GPHN: variants seen among roughly 807,000 people sequenced by gnomAD.
GPHN encodes the protein gephyrin.
A neutral mutation model predicts 95.5 loss-of-function variants in GPHN; 17 were observed. The ratio of observed to expected loss-of-function variants is 0.18; its 90% confidence interval spans 0.12 to 0.27. GPHN has a LOEUF of 0.27. GPHN is among the 10% of genes least tolerant of loss of function. GPHN has a pLI of 1.00. For missense variants in GPHN, 660 were observed against 978.1 expected (o/e 0.67, Z 4.34); for synonymous variants, 320 against 322.5 (o/e 0.99, Z 0.08).
At chr14:67,198,594 C>T in the GPHN span, among the ~76,000 whole-genome samples, 8 of 152,266 alleles carry the variant, frequency 5.3e-5, no homozygotes, top group African/African-American at 1.4e-4. Flanking sequence ...TACATGAAGC[C>T]GTTTTTGGCA....
At chr14:67,315,919 C>T in the GPHN span, among the ~76,000 whole-genome samples, 2 of 152,336 alleles carry the variant, frequency 1.3e-5, no homozygotes, top group South Asian at 2.1e-4. Flanking sequence ...AGCGAGACTT[C>T]GTCTCAAAAG....
intron 1 of GPHN, among the ~76,000 whole-genome samples, chr14:66,575,051 C>A (rs956202854): frequency 2.6e-5 from 4 of 152,138 alleles, no homozygotes; most frequent in African/African-American, 7.2e-5. Flanking sequence ...ATATTTATAT[C>A]TATCTATATA....
At chr14:66,747,285 T>C (rs2058189215) in intron 2 of GPHN, among the ~76,000 whole-genome samples, 1 of 152,158 alleles carries the variant, frequency 6.6e-6, no homozygotes, top group South Asian at 2.1e-4. Context: ...TTAAATGGTA[T>C]TGTTGATACA....
the GPHN span, chr14:67,198,881 A>AG: frequency 1.5e-6 from 1 of 673,308 alleles, no homozygotes; most frequent in Non-Finnish European, 2.7e-6. Context: ...GTTCAATGAT[A>AG]GGGGTCATAC....
chr14:67,656,690 G>C, the GPHN span: 2 of 1,285,882 alleles, frequency 1.6e-6, no homozygotes, highest in Non-Finnish European at 2.1e-6. Flanking sequence ...GATATAGTGA[G>C]CAATAATTTT....
intron 17 of GPHN, among the ~76,000 whole-genome samples, chr14:67,125,631 G>A (rs1431445353): frequency 6.6e-6 from 1 of 152,168 alleles, no homozygotes; most frequent in Non-Finnish European, 1.5e-5. Context: ...ACAAAAATTA[G>A]CTAGGCATGG....
chr14:67,038,792 G>A (rs1342169374), intron 10 of GPHN, among the ~76,000 whole-genome samples: 2 of 151,982 alleles, frequency 1.3e-5, no homozygotes, highest in Non-Finnish European at 2.9e-5. Context: ...TTCCTGTATT[G>A]TTCTTTTATA....
intron 1 of GPHN, among the ~76,000 whole-genome samples, chr14:66,661,603 TC>T (rs779833230): frequency 4.3e-4 from 66 of 152,206 alleles, no homozygotes; most frequent in African/African-American, 7.0e-4. Flanking sequence ...GCAGAAGGGA[TC>T]CCCCAACACA....
At chr14:67,177,718 T>A (rs999301828) in intron 21 of GPHN, among the ~76,000 whole-genome samples, 3 of 152,180 alleles carry the variant, frequency 2.0e-5, no homozygotes, top group East Asian at 3.9e-4. Flanking sequence ...AGTCTAAGTC[T>A]CTTTGTAGGT....
chr14:67,034,922 T>C (rs1413780987), intron 10 of GPHN, among the ~76,000 whole-genome samples: 1 of 152,036 alleles, frequency 6.6e-6, no homozygotes, highest in Non-Finnish European at 1.5e-5. Context: ...TGTTGACCAA[T>C]TAGATCTAAC....
the GPHN span, among the ~76,000 whole-genome samples, chr14:67,432,513 G>A: frequency 2.0e-5 from 3 of 152,160 alleles, no homozygotes; most frequent in Non-Finnish European, 2.9e-5. Context: ...TCTGAGACAC[G>A]TTTACAAGGA....
the GPHN span, among the ~76,000 whole-genome samples, chr14:67,430,210 A>G: frequency 6.6e-6 from 1 of 152,198 alleles, no homozygotes. Context: ...AGCTTGGATG[A>G]CATGGACCCA....
intron 3 of GPHN, among the ~76,000 whole-genome samples, chr14:66,813,240 C>T (rs1254499009): frequency 6.6e-6 from 1 of 152,034 alleles, no homozygotes; most frequent in Non-Finnish European, 1.5e-5. Flanking sequence ...CAAATGACAA[C>T]AAAAACACTA....
At chr14:67,695,704 C>T in the GPHN span, 5 of 1,614,128 alleles carry the variant, frequency 3.1e-6, no homozygotes, top group East Asian at 1.1e-4. Context: ...GCTCAACCAT[C>T]TCTGCCGGCT....
intron 9 of GPHN, among the ~76,000 whole-genome samples, chr14:67,022,510 A>C (rs2073681539): frequency 6.7e-6 from 1 of 150,344 alleles, no homozygotes; most frequent in African/African-American, 2.4e-5. Flanking sequence ...CTGGGCCAAA[A>C]GAGAATAACT....
At chr14:67,358,118 T>C in the GPHN span, among the ~76,000 whole-genome samples, 1 of 151,994 alleles carries the variant, frequency 6.6e-6, no homozygotes, top group Non-Finnish European at 1.5e-5. Flanking sequence ...GGGGGCGGCC[T>C]GGGGTCACCC....
At chr14:67,254,283 G>A in the GPHN span, 2 of 150,126 alleles carry the variant, frequency 1.3e-5, no homozygotes, top group African/African-American at 2.5e-5. Context: ...TTGGTACCAA[G>A]TGGGTACTCG....
chr14:67,192,177 T>C, the GPHN span, among the ~76,000 whole-genome samples: 1 of 152,172 alleles, frequency 6.6e-6, no homozygotes, highest in Non-Finnish European at 1.5e-5. Context: ...GGACATTGAA[T>C]GGGCCTAGCA....
At chr14:66,917,001 A>G (rs1360843803) in intron 6 of GPHN, among the ~76,000 whole-genome samples, 1 of 152,166 alleles carries the variant, frequency 6.6e-6, no homozygotes, top group African/African-American at 2.4e-5. Flanking sequence ...AGAAATAGCT[A>G]ATCCATCCAC....
Sources: allele counts gnomAD v4.1 joint callset (sites outside exome capture counted in the v4.1 genomes callset), GRCh38; gene constraint gnomAD v4.1.1; transcripts MANE v1.5; gene names NCBI Gene and HGNC (gene_info 2026-07-23, HGNC 2026-07-21).